AUTS2: variants seen among roughly 807,000 people sequenced by gnomAD.
AUTS2 encodes activator of transcription and developmental regulator AUTS2, also known as autism susceptibility gene 2 protein.
In AUTS2, 17 loss-of-function variants were observed where a neutral mutation model predicts 112.4. That is an observed-to-expected ratio of 0.15 (90% CI 0.10 to 0.23). The LOEUF (loss-of-function observed/expected upper bound fraction) is 0.23, where lower values mean the gene tolerates loss of function less well. Among genes scored for constraint, AUTS2 ranks in the 10% least tolerant of loss-of-function variants. The pLI, the probability that AUTS2 is intolerant of heterozygous loss-of-function variation, is 1.00. For missense variants in AUTS2, 1,510 were observed against 1,701.6 expected (o/e 0.89, Z 1.98); for synonymous variants, 751 against 702.7 (o/e 1.07, Z -1.09).
At chr7:70,136,686 T>C (rs755499805) in intron 4 of AUTS2, among the ~76,000 whole-genome samples, 2 of 152,208 alleles carry the variant, frequency 1.3e-5, no homozygotes, top group Non-Finnish European at 2.9e-5. Context: ...AAGTCTATCC[T>C]TACTCCTCTT....
chr7:70,465,544 A>T lies in AUTS2; in HGVS notation c.690+29763A>T, dbSNP rs115675108. Among the ~76,000 whole-genome samples the T allele has an allele frequency of 4.2e-3, 643 of 152,304 alleles. 4 individuals carry two copies. The highest frequency in any genetic ancestry group is 0.015 in the African/African-American group (612 of 41,574). ...CATTGGGCTGATGATAACTGGTGGAAATTTGCAGGTAATTGCCAATGACAA... is the reference window on the plus strand; with the variant it reads ...CATTGGGCTGATGATAACTGGTGGATATTTGCAGGTAATTGCCAATGACAA... On this transcript the variant is annotated intron_variant, in intron 5 of 18. Coordinates refer to ENST00000342771, the MANE Select transcript of AUTS2 (RefSeq NM_015570.4).
At chr7:70,207,462 T>C (rs560475097) in intron 4 of AUTS2, among the ~76,000 whole-genome samples, 1 of 152,344 alleles carries the variant, frequency 6.6e-6, no homozygotes, top group East Asian at 1.9e-4. Context: ...AAATTTATAA[T>C]GTACTATAAT....
intron 4 of AUTS2, among the ~76,000 whole-genome samples, chr7:70,146,321 T>G (rs1353354229): frequency 6.6e-6 from 1 of 152,138 alleles, no homozygotes; most frequent in Non-Finnish European, 1.5e-5. Context: ...TGTGTTATTT[T>G]TCTACTGGGT....
intron 4 of AUTS2, among the ~76,000 whole-genome samples, chr7:70,416,848 C>G (rs528176458): frequency 1.6e-4 from 24 of 152,328 alleles, no homozygotes; most frequent in African/African-American, 5.8e-4. Context: ...TCCTCTGACA[C>G]ACACACTCTG....
At chr7:69,806,526 GT>G (rs1224497664) in intron 1 of AUTS2, among the ~76,000 whole-genome samples, 1 of 151,976 alleles carries the variant, frequency 6.6e-6, no homozygotes, top group Non-Finnish European at 1.5e-5. Context: ...GAGTGCAGCG[GT>G]GCCATCACGG....
chr7:70,387,960 C>T (rs546694935), intron 4 of AUTS2, among the ~76,000 whole-genome samples: 3 of 152,166 alleles, frequency 2.0e-5, no homozygotes, highest in South Asian at 2.1e-4. Flanking sequence ...ACATCCTAAA[C>T]GCCTTATCCT....
chr7:70,607,584 A>C (rs1803852040), intron 5 of AUTS2, among the ~76,000 whole-genome samples: 1 of 152,212 alleles, frequency 6.6e-6, no homozygotes, highest in Non-Finnish European at 1.5e-5. Flanking sequence ...CACGATTACC[A>C]GATGTCCTTG....
chr7:70,519,748 A>G (rs1799567523), intron 5 of AUTS2, among the ~76,000 whole-genome samples: 1 of 152,194 alleles, frequency 6.6e-6, no homozygotes, highest in African/African-American at 2.4e-5. Flanking sequence ...TTGCCTGAGG[A>G]CACACAAAGT....
At chr7:69,836,164 G>A (rs878964582) in intron 1 of AUTS2, among the ~76,000 whole-genome samples, 1 of 152,158 alleles carries the variant, frequency 6.6e-6, no homozygotes, top group Non-Finnish European at 1.5e-5. Flanking sequence ...TTGGACTTGA[G>A]TATTTTAGAC....
intron 2 of AUTS2, among the ~76,000 whole-genome samples, chr7:69,925,218 C>T (rs1289491495): frequency 6.6e-6 from 1 of 152,046 alleles, no homozygotes; most frequent in Non-Finnish European, 1.5e-5. Flanking sequence ...TCTTGAAGAA[C>T]AAGCTTTATT....
intron 5 of AUTS2, among the ~76,000 whole-genome samples, chr7:70,460,621 G>A (rs971014243): frequency 1.3e-5 from 2 of 152,090 alleles, no homozygotes; most frequent in African/African-American, 2.4e-5. Context: ...AAAGTGCTGG[G>A]ATTACAAGCC....
rs186426762 is a variant in AUTS2, at chr7:69,883,943, A to G, written c.310-15343A>G. ...TGATGGGGATTTCACTTTCATGAAT[A>G]TAATTTGCTGAGCCTGTGGTGACAT... On this transcript the variant is annotated intron_variant, in intron 1 of 18. Transcript: ENST00000342771. 8.5e-5 allele frequency among the ~76,000 whole-genome samples: 13 copies of G among 152,334 alleles called. No individual in the cohort carries two copies. The East Asian group carries it at 2.1e-3, about 25-fold the overall frequency.
At chr7:70,346,622 T>G (rs1252696955) in intron 4 of AUTS2, among the ~76,000 whole-genome samples, 1 of 152,042 alleles carries the variant, frequency 6.6e-6, no homozygotes, top group African/African-American at 2.4e-5. Context: ...CCCGGGAAAG[T>G]CTGCATTATT....
intron 1 of AUTS2, among the ~76,000 whole-genome samples, chr7:69,629,360 TTA>T (rs1347326506): frequency 2.6e-5 from 4 of 152,190 alleles, no homozygotes; most frequent in African/African-American, 7.2e-5. Context: ...AACATAATGC[TTA>T]TAAAATACCT....
intron 1 of AUTS2, among the ~76,000 whole-genome samples, chr7:69,807,940 C>CTTT (rs34491458): frequency 2.9e-4 from 35 of 120,416 alleles, no homozygotes; most frequent in Non-Finnish European, 3.6e-4. Flanking sequence ...TAGGCCCAAG[C>CTTT]TTTTTTTTTT....
intron 1 of AUTS2, among the ~76,000 whole-genome samples, chr7:69,778,448 C>G (rs954190368): frequency 2.0e-5 from 3 of 151,526 alleles, no homozygotes; most frequent in Non-Finnish European, 2.9e-5. Flanking sequence ...CCACTTAAAT[C>G]AGAATCTCAG....
intron 3 of AUTS2, among the ~76,000 whole-genome samples, chr7:70,121,555 G>GA: frequency 6.6e-6 from 1 of 152,140 alleles, no homozygotes; most frequent in Non-Finnish European, 1.5e-5. Context: ...GAAGTACAAA[G>GA]AAGAGGTACT....
intron 4 of AUTS2, among the ~76,000 whole-genome samples, chr7:70,157,677 A>T (rs1206497253): frequency 6.6e-6 from 1 of 152,158 alleles, no homozygotes; most frequent in Non-Finnish European, 1.5e-5. Flanking sequence ...GCACTTCAGG[A>T]TCTGAAGATA....
rs552817343 is a variant in AUTS2 at position 70,741,319 on chromosome 7, A to C, written c.743-21551A>C. On this transcript the variant is annotated intron_variant, in intron 6 of 18. Coordinates refer to ENST00000342771, the MANE Select transcript of AUTS2 (RefSeq NM_015570.4). Reference sequence around the variant, plus strand: ...ATGGGAGAAATGGGATTAGGGACCAAAAATTTATCACTGACAGAAAAAAAA... The same window carrying C: ...ATGGGAGAAATGGGATTAGGGACCACAAATTTATCACTGACAGAAAAAAAA... Among the ~76,000 whole-genome samples, 5 of 152,084 alleles carry C rather than the reference A, an allele frequency of 3.3e-5. No individual in the cohort carries two copies. In the East Asian group the frequency reaches 9.6e-4, roughly 29 times the overall value.
Sources: gnomAD v4.1 joint callset for allele counts (sites outside exome capture counted in the v4.1 genomes callset) on GRCh38, gnomAD v4.1.1 for gene constraint, MANE v1.5 for transcripts, NCBI Gene and HGNC (gene_info 2026-07-23, HGNC 2026-07-21) for gene names.